The following DOK5 variants were observed in gnomAD, a reference collection of about 807,000 sequenced individuals.
DOK5 encodes the protein docking protein 5.
In DOK5, 27 loss-of-function variants were observed where a neutral mutation model predicts 43.3. The ratio of observed to expected loss-of-function variants is 0.62; its 90% CI spans 0.46 to 0.86. The LOEUF is 0.86. Among genes scored for constraint, DOK5 ranks in the 40% least tolerant of loss-of-function variants. The pLI, the probability that DOK5 is intolerant of heterozygous loss-of-function variation, is 0.00. For synonymous variants in DOK5, 146 were observed against 140.1 expected (o/e 1.04, Z -0.30); for missense variants, 373 against 392.9 (o/e 0.95, Z 0.43).
In DOK5 at chr20:54,650,448, A is replaced by T; in HGVS notation, c.890A>T (p.Glu297Val). ...AGCCCTCTGAAGCTTCATCGAACAG[A>T]GACTTTTCCAGCCTACAGATCTGAG... Reference protein sequence around the residue: ...VSSPLKLHRTETFPAYRSEH With the variant: ...VSSPLKLHRTVTFPAYRSEH The change falls in exon 8 of 8, where the codon GAG (glutamate) becomes GTG (valine). Residue 297 changes from glutamate to valine, a missense_variant. Coordinates refer to ENST00000262593, the MANE Select transcript of DOK5 (RefSeq NM_018431.5). The T allele has an allele frequency of 6.2e-7, 1 of 1,614,092 alleles. No individual in the cohort carries two copies. Among genetic ancestry groups the T allele is most frequent in the Non-Finnish European group, 8.5e-7 (1 of 1,180,008 alleles).
At position 54,480,396 on chromosome 20, in the gene DOK5, G is replaced by A. The variant is rs532653840; in HGVS notation, c.66+4384G>A. Among the ~76,000 whole-genome samples, 10 of 152,146 alleles carry A rather than the reference G, an allele frequency of 6.6e-5. 1 individual carries two copies. The highest frequency in any genetic ancestry group is 1.2e-4 in the Non-Finnish European group (8 of 68,012). ...GACCTCTGGTTTTCCTCACTGCTACGTGGCGCTACCCCCACCAGTGCTATG... is the reference window on the plus strand; with the variant it reads ...GACCTCTGGTTTTCCTCACTGCTACATGGCGCTACCCCCACCAGTGCTATG... On this transcript the variant is annotated intron_variant, in intron 1 of 7. Transcript: ENST00000262593.
chr20:54,529,856 T>C (rs761903327), intron 1 of DOK5, among the ~76,000 whole-genome samples: 3 of 152,252 alleles, frequency 2.0e-5, no homozygotes, highest in Non-Finnish European at 4.4e-5. Context: ...TTTCACTTAG[T>C]ACATTGTTTT....
At chr20:54,532,563 G>C (rs1983814288) in intron 1 of DOK5, among the ~76,000 whole-genome samples, 2 of 152,196 alleles carry the variant, frequency 1.3e-5, no homozygotes, top group Non-Finnish European at 1.5e-5. Flanking sequence ...TGGGAGGCTG[G>C]AGGTGGGTAT....
chr20:54,501,338 G>A (rs745658106), intron 1 of DOK5, among the ~76,000 whole-genome samples: 36 of 151,566 alleles, frequency 2.4e-4, no homozygotes, highest in Non-Finnish European at 8.8e-5. Flanking sequence ...GTGGTGGTGG[G>A]CGCCTGTAGA....
intron 2 of DOK5, among the ~76,000 whole-genome samples, chr20:54,571,923 G>A (rs749139841): frequency 2.0e-5 from 3 of 152,068 alleles, no homozygotes; most frequent in Admixed American, 1.3e-4. Flanking sequence ...GATTGCACAC[G>A]TGTAGTTTCT....
chr20:54,588,843 C>T (rs766427445), intron 4 of DOK5, 37 bp downstream of exon 4: 1 of 1,608,222 alleles, frequency 6.2e-7, no homozygotes, highest in South Asian at 1.1e-5. Flanking sequence ...TCTTTCAAAA[C>T]TGCTTCTGTC....
At chr20:54,534,691 G>A (rs1010069388) in intron 1 of DOK5, among the ~76,000 whole-genome samples, 4 of 152,122 alleles carry the variant, frequency 2.6e-5, no homozygotes, top group Admixed American at 2.6e-4. Context: ...GGAGGAGGAT[G>A]ATGATATATT....
intron 6 of DOK5, among the ~76,000 whole-genome samples, chr20:54,638,105 G>C (rs1407680590): frequency 7.4e-6 from 1 of 134,330 alleles, no homozygotes; most frequent in Non-Finnish European, 1.6e-5. Flanking sequence ...CTGGGTGACA[G>C]AGCGAGACTC....
At chr20:54,513,564 A>G (rs1434012762) in intron 1 of DOK5, among the ~76,000 whole-genome samples, 2 of 151,772 alleles carry the variant, frequency 1.3e-5, no homozygotes, top group East Asian at 1.9e-4. Context: ...TTAACAAACC[A>G]TGGAGATGTT....
chr20:54,628,260 T>G (rs1978388936), intron 6 of DOK5, among the ~76,000 whole-genome samples: 1 of 151,608 alleles, frequency 6.6e-6, no homozygotes. Flanking sequence ...TACAAAAAAA[T>G]TAGCCCGGCG....
At chr20:54,599,820 TA>T (rs1281092845) in intron 5 of DOK5, among the ~76,000 whole-genome samples, 2 of 152,226 alleles carry the variant, frequency 1.3e-5, no homozygotes, top group Admixed American at 6.5e-5. Context: ...AATATTCACC[TA>T]GTGCACCCTA....
chr20:54,521,892 C>CA (rs1295037510), intron 1 of DOK5, among the ~76,000 whole-genome samples: 6 of 152,144 alleles, frequency 3.9e-5, no homozygotes, highest in African/African-American at 1.4e-4. Flanking sequence ...TCACTTTTGT[C>CA]ACTCAGGACA....
intron 1 of DOK5, among the ~76,000 whole-genome samples, chr20:54,529,113 T>C (rs1983677326): frequency 6.6e-6 from 1 of 152,176 alleles, no homozygotes; most frequent in Admixed American, 6.5e-5. Context: ...ACTAAAACTA[T>C]TTGCAGAGAT....
At chr20:54,520,884 T>C (rs901834384) in intron 1 of DOK5, among the ~76,000 whole-genome samples, 1 of 151,222 alleles carries the variant, frequency 6.6e-6, no homozygotes, top group Admixed American at 6.6e-5. Flanking sequence ...TTTCCCATGA[T>C]TGTGTGTCTG....
rs7360669 is a variant in DOK5 at position 54,518,614 on chromosome 20, C to T, written c.67-36319C>T. ...GTGCATGTGTCTTTATAGCAGCATG[C>T]TTTATAATCCTTTGGGTATATACCC... On this transcript the variant is annotated intron_variant, in intron 1 of 7. Coordinates refer to ENST00000262593, the MANE Select transcript of DOK5 (RefSeq NM_018431.5). Among the ~76,000 whole-genome samples, 6 of 152,170 alleles carry T rather than the reference C, an allele frequency of 3.9e-5. No individual in the cohort carries two copies. The East Asian group carries it at 7.7e-4, about 20-fold the overall frequency.
intron 1 of DOK5, among the ~76,000 whole-genome samples, chr20:54,537,193 C>A (rs1044025394): frequency 6.6e-6 from 1 of 152,206 alleles, no homozygotes; most frequent in Non-Finnish European, 1.5e-5. Flanking sequence ...TTCTGGATTT[C>A]TACCAGCAGC....
chr20:54,599,383 A>C (rs1488365101), intron 5 of DOK5, among the ~76,000 whole-genome samples: 1 of 152,370 alleles, frequency 6.6e-6, no homozygotes, highest in East Asian at 1.9e-4. Flanking sequence ...ACACATTATA[A>C]ATATTCCAAT....
At chr20:54,522,050 T>C (rs1983417503) in intron 1 of DOK5, among the ~76,000 whole-genome samples, 1 of 152,178 alleles carries the variant, frequency 6.6e-6, no homozygotes, top group Non-Finnish European at 1.5e-5. Context: ...CAGAAACAAG[T>C]CACTTTTGCC....
At chr20:54,519,252 G>A (rs183552833) in intron 1 of DOK5, among the ~76,000 whole-genome samples, 11 of 152,244 alleles carry the variant, frequency 7.2e-5, no homozygotes, top group East Asian at 3.9e-4. Flanking sequence ...TTTAAACTGC[G>A]TTATCTTGTA....
Sources: gnomAD v4.1 joint callset for allele counts (sites outside exome capture counted in the v4.1 genomes callset) on GRCh38, gnomAD v4.1.1 for gene constraint, MANE v1.5 for transcripts, NCBI Gene and HGNC (gene_info 2026-07-23, HGNC 2026-07-21) for gene names.